TCERG1L: variants seen among roughly 807,000 people sequenced by gnomAD.
TCERG1L encodes the protein transcription elongation regulator 1 like.
A neutral mutation model predicts 56.3 loss-of-function variants in TCERG1L; 37 were observed. The ratio of observed to expected loss-of-function variants is 0.66; its 90% confidence interval spans 0.51 to 0.87. The LOEUF (loss-of-function observed/expected upper bound fraction) is 0.87. TCERG1L is among the 40% of genes least tolerant of loss of function. The pLI is 0.00. For missense variants in TCERG1L, 799 were observed against 774.2 expected (o/e 1.03, Z -0.38); for synonymous variants, 324 against 326.3 (o/e 0.99, Z 0.08).
chr10:131,292,668 A>C (rs539713243), intron 3 of TCERG1L, among the ~76,000 whole-genome samples: 1 of 152,132 alleles, frequency 6.6e-6, no homozygotes, highest in Non-Finnish European at 1.5e-5. Flanking sequence ...GTGCAGATGG[A>C]GCTTCTTGTG....
rs1331252908 is a variant in TCERG1L, at chr10:131,260,598, C to T, written c.671-154G>A. 1.3e-5 allele frequency among the ~76,000 whole-genome samples: 2 copies of T among 152,224 alleles called. No individual in the cohort carries two copies. The highest frequency in any genetic ancestry group is 4.2e-4 in the South Asian group (2 of 4,812). On this transcript the variant is annotated intron_variant, in intron 3 of 11. Transcript: ENST00000368642. This position sits in a 1 kb window ranked among gnomAD's most constrained non-coding sequence, Gnocchi z 5.8. ...GAGGCCCACAGTATGTGCCACCGTC[C>T]GCAGAACAAATGCTTCTGATGAGTT...
intron 4 of TCERG1L, among the ~76,000 whole-genome samples, chr10:131,171,172 C>T (rs1204995744): frequency 2.6e-5 from 1 of 39,046 alleles, no homozygotes; most frequent in Non-Finnish European, 4.7e-5. Context: ...AAAACAAAAA[C>T]ACACACCAAA....
rs915820099 is a variant in TCERG1L at position 131,191,146 on chromosome 10, C to CA, written c.857-24262dup. On this transcript the variant is annotated intron_variant, in intron 4 of 11. Coordinates refer to ENST00000368642, the MANE Select transcript of TCERG1L (RefSeq NM_174937.4). ...TGCAAAACAAAAACAAACAAACAAA[C>CA]AAAAAACCCTAGGAATATACTTCAT... 1.0e-4 allele frequency among the ~76,000 whole-genome samples: 15 copies of CA among 143,458 alleles called. 2 individuals carry two copies. Among genetic ancestry groups the CA allele is most frequent in the African/African-American group, 3.4e-4 (13 of 38,096 alleles). The allele number at this position is 143,458 out of a possible 152,430, so 94.1% of individuals were successfully genotyped here. A position where few individuals can be genotyped will look rare whatever the true frequency, so the allele number is the denominator to read the frequency against.
intron 3 of TCERG1L, among the ~76,000 whole-genome samples, chr10:131,268,639 G>T (rs899174688): frequency 7.9e-5 from 12 of 152,188 alleles, no homozygotes; most frequent in African/African-American, 2.9e-4. Flanking sequence ...CTTCATCGAC[G>T]CTCTTAGCTA....
At chr10:131,148,866 A>G (rs554182106) in intron 6 of TCERG1L, among the ~76,000 whole-genome samples, 49 of 152,330 alleles carry the variant, frequency 3.2e-4, no homozygotes, top group African/African-American at 1.1e-3. Flanking sequence ...TGGAGCCCTG[A>G]GTCTGTGGGA....
chr10:131,279,672 A>ACAGGCCAC (rs1364322653), intron 3 of TCERG1L, among the ~76,000 whole-genome samples: 1 of 152,230 alleles, frequency 6.6e-6, no homozygotes, highest in African/African-American at 2.4e-5. Flanking sequence ...CTGGAGGAGC[A>ACAGGCCAC]CAGGCCACCC....
intron 3 of TCERG1L, among the ~76,000 whole-genome samples, chr10:131,298,733 A>G (rs950540504): frequency 1.3e-5 from 2 of 152,224 alleles, no homozygotes; most frequent in Admixed American, 1.3e-4. Context: ...ATTATTTAAA[A>G]TTTTTGACTT....
chr10:131,146,838 T>C (rs1845801011), intron 6 of TCERG1L, among the ~76,000 whole-genome samples, 178 bp from the exon 7 acceptor site: 1 of 152,186 alleles, frequency 6.6e-6, no homozygotes, highest in Non-Finnish European at 1.5e-5. Context: ...ACCTTACGGA[T>C]CTGACTCATT....
At chr10:131,140,092 G>A (rs1845718654) in intron 7 of TCERG1L, among the ~76,000 whole-genome samples, 2 of 152,196 alleles carry the variant, frequency 1.3e-5, no homozygotes, top group South Asian at 2.1e-4. Flanking sequence ...GGTGTGTAAG[G>A]CAAATTCGCA....
At chr10:131,277,802 G>C (rs1285526410) in intron 3 of TCERG1L, among the ~76,000 whole-genome samples, 2 of 152,156 alleles carry the variant, frequency 1.3e-5, no homozygotes, top group Non-Finnish European at 2.9e-5. Context: ...GGTGCCCGGA[G>C]GAGGGCACAG....
intron 3 of TCERG1L, among the ~76,000 whole-genome samples, chr10:131,288,134 C>T (rs1312453906): frequency 6.6e-6 from 1 of 152,164 alleles, no homozygotes; most frequent in Non-Finnish European, 1.5e-5. Context: ...AACCGGCCAC[C>T]ACAAGCCTGC....
intron 3 of TCERG1L, among the ~76,000 whole-genome samples, chr10:131,279,128 G>T (rs964704664): frequency 3.3e-5 from 5 of 152,192 alleles, no homozygotes; most frequent in African/African-American, 1.2e-4. Context: ...GGGCTACCTA[G>T]TTCATGGGAG....
At chr10:131,266,831 A>G (rs966939150) in intron 3 of TCERG1L, among the ~76,000 whole-genome samples, 1 of 151,464 alleles carries the variant, frequency 6.6e-6, no homozygotes, top group Non-Finnish European at 1.5e-5. Context: ...TCTGCAGCTG[A>G]TAACTCCTCT....
chr10:131,200,737 C>T (rs554207849), intron 4 of TCERG1L, among the ~76,000 whole-genome samples: 2 of 152,100 alleles, frequency 1.3e-5, no homozygotes, highest in African/African-American at 4.8e-5. Flanking sequence ...ATGTATTTTG[C>T]GTGTGGGAAG....
At chr10:131,210,089 T>TGGA (rs1845600706) in intron 4 of TCERG1L, among the ~76,000 whole-genome samples, 1 of 152,242 alleles carries the variant, frequency 6.6e-6, no homozygotes, top group South Asian at 2.1e-4. Flanking sequence ...AAAGATCACC[T>TGGA]GGAGAAGAAG....
intron 4 of TCERG1L, among the ~76,000 whole-genome samples, chr10:131,198,079 G>C (rs1248284049): frequency 1.3e-5 from 2 of 152,212 alleles, no homozygotes; most frequent in Non-Finnish European, 2.9e-5. Context: ...TGCTGCACCT[G>C]AGGAGGTTCT....
At chr10:131,099,111 T>C (rs1845279459) in intron 10 of TCERG1L, among the ~76,000 whole-genome samples, 5 of 152,204 alleles carry the variant, frequency 3.3e-5, no homozygotes, top group Admixed American at 2.6e-4. Flanking sequence ...CCTCGGGCAC[T>C]GGGCACTCCC....
At chr10:131,139,041 A>G (rs1845703701) in intron 7 of TCERG1L, among the ~76,000 whole-genome samples, 2 of 152,252 alleles carry the variant, frequency 1.3e-5, no homozygotes. Context: ...AAAACTGTTC[A>G]ATTTCACTCA....
intron 4 of TCERG1L, among the ~76,000 whole-genome samples, chr10:131,239,830 C>T (rs1845952283): frequency 6.6e-6 from 1 of 152,248 alleles, no homozygotes; most frequent in Admixed American, 6.5e-5. Flanking sequence ...CCAAGACCCT[C>T]CCAGGCTCCC....
Sources: allele counts gnomAD v4.1 joint callset (sites outside exome capture counted in the v4.1 genomes callset), GRCh38; gene constraint gnomAD v4.1.1; non-coding constraint Gnocchi (gnomAD v3.1); transcripts MANE v1.5; gene names NCBI Gene and HGNC (gene_info 2026-07-23, HGNC 2026-07-21).